DLEU7: variants seen among roughly 807,000 people sequenced by gnomAD.
The protein encoded by DLEU7 is leukemia-associated protein 7.
Under a neutral mutation model 16.0 loss-of-function variants are expected in DLEU7, and 17 were observed. The observed-to-expected ratio is 1.06, with a 90% CI of 0.73 to 1.59. The LOEUF (loss-of-function observed/expected upper bound fraction) is 1.59, where lower values mean the gene tolerates loss of function less well. Ranked by LOEUF, DLEU7 falls within the 40% of genes most tolerant of loss-of-function variation. The probability of loss-of-function intolerance (pLI) is 0.00; values close to 1 mark genes in which losing one functional copy is unlikely to be tolerated. For missense variants in DLEU7, 308 were observed against 314.9 expected, an observed-to-expected ratio of 0.98 and a Z score of 0.17; for synonymous variants, 113 against 139.8, an observed-to-expected ratio of 0.81 and a Z score of 1.35.
intron 1 of DLEU7, among the ~76,000 whole-genome samples, chr13:50,794,213 G>C (rs899329492): frequency 6.6e-6 from 1 of 152,072 alleles, no homozygotes; most frequent in African/African-American, 2.4e-5. Context: ...CCAAGCACAG[G>C]TCAATAGATA....
intron 1 of DLEU7, among the ~76,000 whole-genome samples, chr13:50,723,787 A>G (rs1248579915): frequency 2.6e-5 from 4 of 152,012 alleles, no homozygotes; most frequent in African/African-American, 9.7e-5. Flanking sequence ...TCCACCTATG[A>G]ATCTTTCTGG....
chr13:50,814,044 C>T (rs1303663332), intron 1 of DLEU7, among the ~76,000 whole-genome samples: 1 of 152,108 alleles, frequency 6.6e-6, no homozygotes, highest in East Asian at 1.9e-4. Flanking sequence ...TCACTTCAAC[C>T]ACTTAGATGA....
At chr13:50,836,124 C>A (rs964078694) in intron 1 of DLEU7, among the ~76,000 whole-genome samples, 1 of 152,248 alleles carries the variant, frequency 6.6e-6, no homozygotes, top group Non-Finnish European at 1.5e-5. Context: ...ACTCACTTAA[C>A]CACCAGCTCT....
chr13:50,728,021 A>G (rs561344210), intron 1 of DLEU7, among the ~76,000 whole-genome samples: 1 of 152,326 alleles, frequency 6.6e-6, no homozygotes, highest in South Asian at 2.1e-4. Flanking sequence ...CTTGCAGGTG[A>G]GAAAGGTGCA....
chr13:50,785,510 GA>G (rs1407103999), intron 1 of DLEU7, among the ~76,000 whole-genome samples: 3 of 152,136 alleles, frequency 2.0e-5, no homozygotes, highest in Non-Finnish European at 4.4e-5. Flanking sequence ...TTTGAGTGCT[GA>G]ATAGTCCTTA....
chr13:50,735,430 A>G (rs1484892307), intron 1 of DLEU7, among the ~76,000 whole-genome samples: 1 of 152,162 alleles, frequency 6.6e-6, no homozygotes, highest in Non-Finnish European at 1.5e-5. Flanking sequence ...AACAATATAA[A>G]ATTGTACCAA....
intron 1 of DLEU7, among the ~76,000 whole-genome samples, chr13:50,830,550 C>T (rs181191224): frequency 6.6e-6 from 1 of 152,196 alleles, no homozygotes; most frequent in Non-Finnish European, 1.5e-5. Flanking sequence ...GCACAGGGTT[C>T]ATGCAAAGCT....
intron 1 of DLEU7, among the ~76,000 whole-genome samples, chr13:50,763,587 C>T (rs1048661848): frequency 6.6e-6 from 1 of 152,210 alleles, no homozygotes; most frequent in Non-Finnish European, 1.5e-5. Context: ...AAGTGGGAAA[C>T]AGAACTGTCA....
chr13:50,828,088 A>G (rs1345948884), intron 1 of DLEU7, among the ~76,000 whole-genome samples: 1 of 152,202 alleles, frequency 6.6e-6, no homozygotes, highest in East Asian at 1.9e-4. Flanking sequence ...TAATATGATA[A>G]TCATAACATA....
At chr13:50,775,341 C>T (rs1161910120) in intron 1 of DLEU7, among the ~76,000 whole-genome samples, 1 of 152,116 alleles carries the variant, frequency 6.6e-6, no homozygotes, top group Non-Finnish European at 1.5e-5. Context: ...TTGCAACTAG[C>T]CTAGGATGAA....
exon 2 of DLEU7, chr13:50,713,022 A>G: frequency 1.7e-6 from 1 of 590,620 alleles, no homozygotes; most frequent in Non-Finnish European, 3.0e-6. Context: ...GCGCGTTCCA[A>G]TCGGAGGTAA....
chr13:50,829,144 ATTC>A (rs1304006684), intron 1 of DLEU7, among the ~76,000 whole-genome samples: 2 of 152,182 alleles, frequency 1.3e-5, no homozygotes, highest in African/African-American at 4.8e-5. Flanking sequence ...GCCCAAGACA[ATTC>A]TTCTAATGTG....
rs576748871 is a variant in DLEU7, at chr13:50,759,274, A to G, written c.460-46034T>C. 2.6e-5 allele frequency among the ~76,000 whole-genome samples: 4 copies of G among 152,344 alleles called. No homozygotes were observed. The South Asian group carries it at 6.2e-4, about 24-fold the overall frequency. On this transcript the variant is annotated intron_variant, in intron 1 of 1. Transcript: ENST00000400393. ...AAACACAAAAATATCTGACTGACAT[A>G]ACATACTAGCTGTATGGCTTCAGTA...
intron 1 of DLEU7, among the ~76,000 whole-genome samples, chr13:50,785,452 C>T (rs1875772863): frequency 6.6e-6 from 1 of 152,116 alleles, no homozygotes; most frequent in Admixed American, 6.5e-5. Flanking sequence ...GGTAGTTGAT[C>T]CTGGAGTTAA....
chr13:50,730,108 A>G (rs575538716), intron 1 of DLEU7, among the ~76,000 whole-genome samples: 1 of 152,294 alleles, frequency 6.6e-6, no homozygotes, highest in East Asian at 1.9e-4. Flanking sequence ...GTGGATCATC[A>G]TAAAGGTCTT....
intron 1 of DLEU7, among the ~76,000 whole-genome samples, chr13:50,839,319 A>G (rs1195453558): frequency 6.6e-6 from 1 of 152,258 alleles, no homozygotes; most frequent in Non-Finnish European, 1.5e-5. Context: ...TAGTCTCTGC[A>G]GCAAATTTAA....
At chr13:50,816,907 C>T (rs886818904) in intron 1 of DLEU7, among the ~76,000 whole-genome samples, 54 of 152,184 alleles carry the variant, frequency 3.5e-4, no homozygotes, top group African/African-American at 1.2e-3. Flanking sequence ...CACACACACA[C>T]GGCGCCAAGC....
downstream of DLEU7, among the ~76,000 whole-genome samples, chr13:50,822,304 A>G (rs1431829978): frequency 6.6e-6 from 1 of 152,212 alleles, no homozygotes; most frequent in East Asian, 1.9e-4. Context: ...TACTCCCACC[A>G]CGCAGACCCA....
At chr13:50,716,083 T>G (rs1032838737) in intron 1 of DLEU7, among the ~76,000 whole-genome samples, 1 of 152,242 alleles carries the variant, frequency 6.6e-6, no homozygotes, top group African/African-American at 2.4e-5. Flanking sequence ...AAAGGTGGCA[T>G]AAATGTTAGA....
Sources: allele counts gnomAD v4.1 joint callset (sites outside exome capture counted in the v4.1 genomes callset), GRCh38; gene constraint gnomAD v4.1.1; transcripts MANE v1.5; gene names NCBI Gene and HGNC (gene_info 2026-07-23, HGNC 2026-07-21).